Variants in SEPTIN10 observed in about 807,000 individuals in gnomAD.
SEPTIN10 encodes the protein septin 10.
A neutral mutation model predicts 54.8 loss-of-function variants in SEPTIN10; 66 were observed. The ratio of observed to expected loss-of-function variants is 1.21; its 90% CI spans 0.99 to 1.48. The LOEUF (loss-of-function observed/expected upper bound fraction) is 1.48. SEPTIN10 is among the 40% of genes most tolerant of loss of function. The pLI is 0.00. For synonymous variants in SEPTIN10, 161 were observed against 181.0 expected, an observed-to-expected ratio of 0.89 and a Z score of 0.89; for missense variants, 620 against 545.6, an observed-to-expected ratio of 1.14 and a Z score of -1.36.
intron 2 of SEPTIN10, among the ~76,000 whole-genome samples, chr2:109,591,400 G>A (rs1019952023): frequency 6.6e-6 from 1 of 152,168 alleles, no homozygotes; most frequent in Admixed American, 6.5e-5. Context: ...CAGGGAAAAA[G>A]AAACCAAGCA....
At chr2:109,548,700 C>T (rs578184667) in intron 9 of SEPTIN10, among the ~76,000 whole-genome samples, 10 of 133,142 alleles carry the variant, frequency 7.5e-5, no homozygotes, top group Admixed American at 1.7e-4. Context: ...TGCCTGAAGC[C>T]GGGAGGCCGA....
intron 8 of SEPTIN10, among the ~76,000 whole-genome samples, chr2:109,556,399 A>G (rs1452676657): frequency 6.6e-6 from 1 of 152,236 alleles, no homozygotes; most frequent in African/African-American, 2.4e-5. Context: ...AACTGGAGAC[A>G]TTAAGCTTTT....
chr2:109,594,735 G>GCACATGCACACACA (rs1437168129), intron 1 of SEPTIN10: 1 of 152,164 alleles, frequency 6.6e-6, no homozygotes, highest in Non-Finnish European at 1.5e-5. Flanking sequence ...ATGCACACAC[G>GCACATGCACACACA]CACATGCACA....
chr2:109,605,634 T>C (rs1279388825), intron 1 of SEPTIN10: 8 of 152,330 alleles, frequency 5.3e-5, no homozygotes, highest in South Asian at 2.1e-4. Context: ...TGTATAATTT[T>C]TGTAATCAAC....
At chr2:109,585,925 T>C (rs754900669) in intron 2 of SEPTIN10, 87 bp from the exon 3 acceptor site, 99 of 894,374 alleles carry the variant, frequency 1.1e-4, no homozygotes, top group Non-Finnish European at 1.6e-4. Context: ...AGGACAAATA[T>C]ATCAAATAAA....
At chr2:109,555,832 G>A (rs1236842024) in intron 8 of SEPTIN10, among the ~76,000 whole-genome samples, 2 of 152,070 alleles carry the variant, frequency 1.3e-5, no homozygotes, top group African/African-American at 2.4e-5. Context: ...TCTTCCCCTG[G>A]CCCCTTCCTT....
chr2:109,582,266 T>C (rs1691373654), intron 4 of SEPTIN10, among the ~76,000 whole-genome samples: 2 of 152,256 alleles, frequency 1.3e-5, no homozygotes, highest in African/African-American at 4.8e-5. Context: ...AGAATCAATA[T>C]AGTTAAAACG....
At chr2:109,552,894 AG>A (rs1683343951) in intron 9 of SEPTIN10, 192 bp downstream of exon 9, 1 of 618,706 alleles carries the variant, frequency 1.6e-6, no homozygotes, top group East Asian at 3.0e-5. Flanking sequence ...TTAAAAAAAA[AG>A]AAGGCCAAAG....
chr2:109,607,181 C>A (rs899790523), intron 1 of SEPTIN10, among the ~76,000 whole-genome samples: 9 of 152,138 alleles, frequency 5.9e-5, no homozygotes, highest in Non-Finnish European at 1.3e-4. Context: ...CATAATCACA[C>A]AAATAATTTG....
intron 1 of SEPTIN10, chr2:109,605,025 G>C (rs1007676456): frequency 6.6e-6 from 1 of 152,118 alleles, no homozygotes; most frequent in Non-Finnish European, 1.5e-5. Context: ...GAGCACCTTG[G>C]ATCCCTCAAA....
chr2:109,612,995 C>G (rs1699592242), intron 1 of SEPTIN10: 1 of 464,084 alleles, frequency 2.2e-6, no homozygotes, highest in Non-Finnish European at 4.2e-6. Context: ...CTCCAAAGAG[C>G]TTTTGTTTAC....
intron 4 of SEPTIN10, among the ~76,000 whole-genome samples, chr2:109,583,495 C>G (rs1385921600): frequency 6.6e-6 from 1 of 152,152 alleles, no homozygotes; most frequent in Non-Finnish European, 1.5e-5. Context: ...ACAACAGATA[C>G]TGGCGGGGCT....
intron 4 of SEPTIN10, among the ~76,000 whole-genome samples, chr2:109,577,014 T>C (rs1689837950): frequency 6.6e-6 from 1 of 151,538 alleles, no homozygotes; most frequent in Non-Finnish European, 1.5e-5. Context: ...AAATTAGAAA[T>C]AATAAAAACC....
At position 109,553,082 on chromosome 2, in the gene SEPTIN10, C is replaced by T. The variant is rs751436173; in HGVS notation, c.1161+5G>A. On this transcript the variant is annotated splice_donor_5th_base_variant and intron_variant, in intron 9 of 10. Coordinates refer to ENST00000397712, the MANE Select transcript of SEPTIN10 (RefSeq NM_144710.5). Reference sequence around the variant, plus strand: ...ATGCAAATCACATCAAACCAGCATACTTGCCTCTCTCTCAGCTTCTTTCAA... The same window carrying T: ...ATGCAAATCACATCAAACCAGCATATTTGCCTCTCTCTCAGCTTCTTTCAA... 15 of 1,611,398 alleles carry T rather than the reference C, an allele frequency of 9.3e-6. No homozygotes were observed. Among genetic ancestry groups the T allele is most frequent in the Non-Finnish European group, 1.3e-5 (15 of 1,179,686 alleles).
intron 9 of SEPTIN10, among the ~76,000 whole-genome samples, chr2:109,551,187 C>CA (rs1346056083): frequency 6.6e-6 from 1 of 152,194 alleles, no homozygotes; most frequent in Non-Finnish European, 1.5e-5. Context: ...CTAATGTTCA[C>CA]ACACTATTAT....
chr2:109,574,344 G>A (rs1410474512), intron 5 of SEPTIN10, among the ~76,000 whole-genome samples: 1 of 150,210 alleles, frequency 6.7e-6, no homozygotes, highest in Non-Finnish European at 1.5e-5. Context: ...TACCTGGGAA[G>A]CTGAGGCAGG....
intron 5 of SEPTIN10, among the ~76,000 whole-genome samples, chr2:109,570,881 G>C (rs770863027): frequency 6.6e-6 from 1 of 152,176 alleles, no homozygotes; most frequent in Non-Finnish European, 1.5e-5. Context: ...AAGGATACAA[G>C]TAGGTTATAT....
chr2:109,603,914 C>A (rs1467655381), intron 1 of SEPTIN10, among the ~76,000 whole-genome samples: 2 of 151,968 alleles, frequency 1.3e-5, no homozygotes, highest in South Asian at 2.1e-4. Flanking sequence ...GTAATCCCAG[C>A]ACTTTGGGAG....
intron 1 of SEPTIN10, among the ~76,000 whole-genome samples, chr2:109,606,980 A>C (rs566482141): frequency 6.6e-6 from 1 of 152,332 alleles, no homozygotes; most frequent in African/African-American, 2.4e-5. Flanking sequence ...ATAGTGAAGA[A>C]TTGAAAGGCT....
Sources: gnomAD v4.1 joint callset for allele counts (sites outside exome capture counted in the v4.1 genomes callset) on GRCh38, gnomAD v4.1.1 for gene constraint, MANE v1.5 for transcripts, NCBI Gene and HGNC (gene_info 2026-07-23, HGNC 2026-07-21) for gene names.